GABRB3: variants seen among roughly 807,000 people sequenced by gnomAD.
The protein encoded by GABRB3 is gamma-aminobutyric acid receptor subunit beta-3.
In GABRB3, 14 loss-of-function variants were observed where a neutral mutation model predicts 52.1. The ratio of observed to expected loss-of-function variants is 0.27; its 90% CI spans 0.18 to 0.42. GABRB3 has a LOEUF of 0.42. GABRB3 is among the 10% of genes least tolerant of loss of function. GABRB3 has a pLI of 1.00. For synonymous variants in GABRB3, 260 were observed against 232.3 expected (o/e 1.12, Z -1.08); for missense variants, 307 against 609.1 (o/e 0.50, Z 5.22).
chr15:26,573,868 AGT>A (rs2140713750), intron 6 of GABRB3, among the ~76,000 whole-genome samples: 1 of 152,188 alleles, frequency 6.6e-6, no homozygotes, highest in African/African-American at 2.4e-5. Context: ...TGGGCAAAAC[AGT>A]GAGACTCCAT....
intron 8 of GABRB3, among the ~76,000 whole-genome samples, chr15:26,549,020 A>C (rs1298090792): frequency 6.6e-6 from 1 of 151,888 alleles, no homozygotes; most frequent in Non-Finnish European, 1.5e-5. Flanking sequence ...CAAGCCCCAC[A>C]CTTCCCTATC....
At chr15:26,689,918 T>G (rs1456260980) in intron 3 of GABRB3, among the ~76,000 whole-genome samples, 1 of 152,086 alleles carries the variant, frequency 6.6e-6, no homozygotes, top group Non-Finnish European at 1.5e-5. Flanking sequence ...AGGAAAGTTT[T>G]CAAGATTGCT....
chr15:26,740,676 A>C (rs1031433618), intron 3 of GABRB3, among the ~76,000 whole-genome samples: 2 of 152,100 alleles, frequency 1.3e-5, no homozygotes, highest in African/African-American at 4.8e-5. Flanking sequence ...TGGAATCCTC[A>C]CAGGACTTTT....
intron 3 of GABRB3, among the ~76,000 whole-genome samples, chr15:26,728,925 A>C (rs1449521982): frequency 1.3e-5 from 2 of 152,224 alleles, no homozygotes; most frequent in African/African-American, 2.4e-5. Flanking sequence ...ATGTGCAATG[A>C]AAATGTAGCT....
intron 8 of GABRB3, among the ~76,000 whole-genome samples, chr15:26,548,763 C>T (rs2140647556): frequency 6.6e-6 from 1 of 152,294 alleles, no homozygotes; most frequent in African/African-American, 2.4e-5. Context: ...TGGAGCCAAA[C>T]TTTACAATGA....
At chr15:26,590,411 T>A (rs1015514636) in intron 4 of GABRB3, 2 of 152,204 alleles carry the variant, frequency 1.3e-5, no homozygotes, top group Non-Finnish European at 2.9e-5. Flanking sequence ...GGTAACCATT[T>A]GGCCCTTTGC....
rs1217394694 is a variant in GABRB3 at position 26,546,899 on chromosome 15, T to C, written c.*894A>G. Reference sequence around the variant, plus strand: ...CGAATAACCTGAGACGTCTATGCTTTCTGTTGGATATCAGGCCTAGAAATC... The same window carrying C: ...CGAATAACCTGAGACGTCTATGCTTCCTGTTGGATATCAGGCCTAGAAATC... On this transcript the variant is annotated 3_prime_UTR_variant, in exon 9 of 9. Coordinates refer to ENST00000311550, the MANE Select transcript of GABRB3 (RefSeq NM_000814.6). The C allele has an allele frequency of 6.6e-6, 1 of 151,734 alleles. No individual in the cohort carries two copies. The allele number at this position is 151,734 out of a possible 1,614,324, so 9.4% of individuals were successfully genotyped here.
chr15:26,712,949 C>T (rs1164939446), intron 3 of GABRB3, among the ~76,000 whole-genome samples: 1 of 152,206 alleles, frequency 6.6e-6, no homozygotes, highest in Non-Finnish European at 1.5e-5. Flanking sequence ...TCGGAAACTC[C>T]GCATCATGCT....
intron 3 of GABRB3, among the ~76,000 whole-genome samples, chr15:26,719,137 T>C (rs139878043): frequency 2.0e-5 from 3 of 152,384 alleles, no homozygotes; most frequent in South Asian, 2.1e-4. Flanking sequence ...ATTCCTGCCA[T>C]GTCCACAACA....
In GABRB3 at chr15:26,567,687, A is replaced by G; in HGVS notation, c.729T>C (p.Ile243=). The G allele has an allele frequency of 6.2e-7, 1 of 1,614,138 alleles. No homozygotes were observed. The highest frequency in any genetic ancestry group is 8.5e-7 in the Non-Finnish European group (1 of 1,180,014). The part of the protein sequence containing the change: ...LSLSFRLKRN[I]GYFILQTYMP... The stretch of plus-strand genomic sequence containing the variant: ...TATAAGTCTGAAGAATGAAGTATCC[A>G]ATGTTCCTCTTCAACCGAAAGCTCA... Residue 243 remains isoleucine, a synonymous_variant, in exon 7 of 9, where the codon ATT becomes ATC. Transcript: ENST00000311550.
chr15:26,578,955 C>T (rs932757649), intron 6 of GABRB3, among the ~76,000 whole-genome samples: 10 of 152,310 alleles, frequency 6.6e-5, no homozygotes, highest in Admixed American at 2.6e-4. Context: ...GCGTCTTCTC[C>T]GGAGAATGCA....
intron 4 of GABRB3, among the ~76,000 whole-genome samples, chr15:26,610,549 C>T (rs1346135102): frequency 6.6e-6 from 1 of 151,928 alleles, no homozygotes; most frequent in Non-Finnish European, 1.5e-5. Flanking sequence ...ACTGTTTGAC[C>T]CCAGTATTCT....
At chr15:26,740,313 G>T (rs1890168513) in intron 3 of GABRB3, among the ~76,000 whole-genome samples, 2 of 152,138 alleles carry the variant, frequency 1.3e-5, no homozygotes, top group Admixed American at 1.3e-4. Flanking sequence ...GGGCTCAGGG[G>T]CCCAATGGGG....
intron 3 of GABRB3, among the ~76,000 whole-genome samples, chr15:26,653,807 T>G (rs1887275838): frequency 1.3e-5 from 2 of 152,216 alleles, no homozygotes; most frequent in African/African-American, 4.8e-5. Flanking sequence ...ATCAAATAAA[T>G]GTTGGCCTAA....
chr15:26,700,267 C>T (rs756054757), intron 3 of GABRB3, among the ~76,000 whole-genome samples: 20 of 152,230 alleles, frequency 1.3e-4, no homozygotes, highest in Non-Finnish European at 2.5e-4. Context: ...TCTTCAAAGA[C>T]GAACTATTGA....
chr15:26,637,856 A>G (rs1428603565), intron 3 of GABRB3, among the ~76,000 whole-genome samples: 1 of 151,836 alleles, frequency 6.6e-6, no homozygotes, highest in Non-Finnish European at 1.5e-5. Context: ...CTCTATGAGG[A>G]CTCCATTTCA....
chr15:26,606,804 C>CGATAGATAGATAGA lies in GABRB3; in HGVS notation c.461+14509_461+14510insTCTATCTATCTATC, dbSNP rs200249563. Among the ~76,000 whole-genome samples the CGATAGATAGATAGA allele has an allele frequency of 1.5e-3, 64 of 42,800 alleles. 3 individuals carry two copies. The highest frequency in any genetic ancestry group is 0.017 in the Middle Eastern group (1 of 58). 28.1% of individuals were successfully genotyped at this position (42,800 alleles called of 152,430 possible). A position where few individuals can be genotyped will look rare whatever the true frequency, so the allele number is the denominator to read the frequency against. On this transcript the variant is annotated intron_variant, in intron 4 of 8. Transcript: ENST00000311550. ...TAGATATATCTATAGATAGATATATCTATAGATAGATAGATAGATAGATAG... is the reference window on the plus strand; with the variant it reads ...TAGATATATCTATAGATAGATATATCGATAGATAGATAGATATAGATAGATAGATAGATAGATAG...
intron 3 of GABRB3, among the ~76,000 whole-genome samples, chr15:26,700,447 T>C (rs1355681886): frequency 1.3e-5 from 2 of 152,196 alleles, no homozygotes. Context: ...TACTGACAAG[T>C]AGAGAACACC....
chr15:26,728,803 A>T (rs1161874980), intron 3 of GABRB3, among the ~76,000 whole-genome samples: 4 of 152,214 alleles, frequency 2.6e-5, no homozygotes, highest in African/African-American at 9.6e-5. Flanking sequence ...GTCTAGATTT[A>T]TCAGCTCATA....
Sources: gnomAD v4.1 joint callset for allele counts (sites outside exome capture counted in the v4.1 genomes callset) on GRCh38, gnomAD v4.1.1 for gene constraint, MANE v1.5 for transcripts, NCBI Gene and HGNC (gene_info 2026-07-23, HGNC 2026-07-21) for gene names.